The following GRID1 variants were observed in gnomAD, a reference collection of about 807,000 sequenced individuals.
GRID1 encodes glutamate receptor ionotropic, delta-1.
In GRID1, 28 loss-of-function variants were observed where a neutral mutation model predicts 98.0. The ratio of observed to expected loss-of-function variants is 0.29; its 90% CI spans 0.21 to 0.39. GRID1 has a LOEUF of 0.39. Ranked by LOEUF, GRID1 falls within the 10% of genes least tolerant of loss-of-function variation. GRID1 has a pLI of 1.00. For missense variants in GRID1, 1,111 were observed against 1,340.5 expected, an observed-to-expected ratio of 0.83 and a Z score of 2.67; for synonymous variants, 553 against 538.5, an observed-to-expected ratio of 1.03 and a Z score of -0.37.
At chr10:85,828,585 AAC>A (rs1365059181) in intron 8 of GRID1, among the ~76,000 whole-genome samples, 3 of 152,090 alleles carry the variant, frequency 2.0e-5, no homozygotes, top group African/African-American at 7.2e-5. Context: ...GAGCCAAATA[AAC>A]ACAGTCAGAA....
chr10:86,180,919 C>A lies in GRID1; in HGVS notation c.520+25445G>T, dbSNP rs534449046. ...TAAGGGAACTGGCAAGCTCTGGGCT[C>A]AGGGAAGGCTAACCTGGAGGGGCAG... On this transcript the variant is annotated intron_variant, in intron 3 of 15. Transcript: ENST00000327946. Among the ~76,000 whole-genome samples, 4 of 152,312 alleles carry A rather than the reference C, an allele frequency of 2.6e-5. No homozygotes were observed. In the East Asian group the frequency reaches 7.7e-4, roughly 29 times the overall value.
chr10:86,074,286 G>A (rs951697223), intron 4 of GRID1, among the ~76,000 whole-genome samples: 15 of 152,022 alleles, frequency 9.9e-5, no homozygotes, highest in African/African-American at 1.9e-4. Flanking sequence ...ATGTTTGTAC[G>A]CTTTAATCCA....
At chr10:85,880,524 C>A (rs1161690492) in intron 5 of GRID1, among the ~76,000 whole-genome samples, 1 of 152,078 alleles carries the variant, frequency 6.6e-6, no homozygotes, top group African/African-American at 2.4e-5. Flanking sequence ...ACAAAAACCA[C>A]ATGATTATCT....
At chr10:86,069,270 A>G (rs1253025726) in intron 4 of GRID1, among the ~76,000 whole-genome samples, 1 of 152,154 alleles carries the variant, frequency 6.6e-6, no homozygotes, top group Non-Finnish European at 1.5e-5. Context: ...CAGAATTATA[A>G]TCAGAACCCA....
chr10:85,622,599 G>C (rs1842870328), intron 13 of GRID1, among the ~76,000 whole-genome samples: 1 of 152,110 alleles, frequency 6.6e-6, no homozygotes, highest in South Asian at 2.1e-4. Context: ...GAATCTGTCT[G>C]AAAATGCCAA....
At chr10:85,936,740 G>T (rs1445708847) in intron 4 of GRID1, among the ~76,000 whole-genome samples, 1 of 152,048 alleles carries the variant, frequency 6.6e-6, no homozygotes, top group African/African-American at 2.4e-5. Flanking sequence ...TATTTTGACA[G>T]AAAAAGTGGA....
Position 85,916,037 on chromosome 10 carries a change from C to A in GRID1, c.780+149G>T. 1.5e-6 allele frequency: 1 copy of A among 651,362 alleles called. No homozygotes were observed. 40.3% of individuals were successfully genotyped at this position (651,362 alleles called of 1,614,324 possible). A position where few individuals can be genotyped will look rare whatever the true frequency, so the allele number is the denominator to read the frequency against. On this transcript the variant is annotated intron_variant, in intron 5 of 15. Transcript: ENST00000327946. The surrounding 1 kb of genome is among the most constrained non-coding windows in gnomAD (Gnocchi z 4.0). ...GAGCACCCTGCTAGGTCAAGTTCAA[C>A]TCTTTGAGTTTTTGCCTGGGCTAGG...
In GRID1 at chr10:86,364,200, T is replaced by C. The variant is rs949222810; in HGVS notation, c.80-104A>G. 3 of 912,240 alleles carry C rather than the reference T, an allele frequency of 3.3e-6. No homozygotes were observed. The African/African-American group carries it at 5.0e-5, about 15-fold the overall frequency. 56.5% of individuals were successfully genotyped at this position (912,240 alleles called of 1,614,324 possible). On this transcript the variant is annotated intron_variant, in intron 1 of 15. Transcript: ENST00000327946. ...TCGCAGACCGATGATTGCCGGGTGGTGGGAAGTCTGAACTGGGATTTCAGC... is the reference window on the plus strand; with the variant it reads ...TCGCAGACCGATGATTGCCGGGTGGCGGGAAGTCTGAACTGGGATTTCAGC...
chr10:85,735,976 A>T (rs187578855), intron 8 of GRID1, among the ~76,000 whole-genome samples: 171 of 122,024 alleles, frequency 1.4e-3, no homozygotes, highest in African/African-American at 5.0e-3. Flanking sequence ...GAAGGGAGAG[A>T]GGGAGAAAGG....
chr10:85,853,715 A>T (rs1450670891), intron 8 of GRID1, among the ~76,000 whole-genome samples: 2 of 152,172 alleles, frequency 1.3e-5, no homozygotes, highest in Admixed American at 1.3e-4. Flanking sequence ...ACCACATCCA[A>T]GGTCCTTCAC....
intron 12 of GRID1, among the ~76,000 whole-genome samples, chr10:85,721,234 C>T (rs1035107378): frequency 1.3e-5 from 2 of 152,170 alleles, no homozygotes; most frequent in African/African-American, 4.8e-5. Context: ...ATTATTCTTA[C>T]ATCACTGGCA....
At chr10:85,839,101 T>G (rs1842938687) in intron 8 of GRID1, among the ~76,000 whole-genome samples, 1 of 152,180 alleles carries the variant, frequency 6.6e-6, no homozygotes, top group Non-Finnish European at 1.5e-5. Flanking sequence ...CTAACTATCC[T>G]AAATATATAT....
chr10:86,254,691 A>G (rs1311258736), intron 2 of GRID1, among the ~76,000 whole-genome samples: 1 of 152,224 alleles, frequency 6.6e-6, no homozygotes, highest in African/African-American at 2.4e-5. Context: ...GGCAGGGCCC[A>G]GTAGGCTTCC....
In GRID1 at chr10:85,886,392, A is replaced by G. The variant is rs189253824; in HGVS notation, c.781-17212T>C. On this transcript the variant is annotated intron_variant, in intron 5 of 15. Coordinates refer to ENST00000327946, the MANE Select transcript of GRID1 (RefSeq NM_017551.3). ...GTAAAGTGAAGTAATAAATTTTTAG[A>G]CCATTCAAGGAAATTTGACTCATAT... Among the ~76,000 whole-genome samples, 383 of 152,292 alleles carry G rather than the reference A, an allele frequency of 2.5e-3. 3 individuals are homozygous for G. The highest frequency in any genetic ancestry group is 9.0e-3 in the African/African-American group (372 of 41,558).
chr10:85,754,848 G>A lies in GRID1; in HGVS notation c.1234-25234C>T, dbSNP rs1266725794. ...CTATTTCTTCACCCACAAAATAATG[G>A]AATTAATGCCTACCTACCTTAAAAA... On this transcript the variant is annotated intron_variant, in intron 8 of 15. Transcript: ENST00000327946. 3.9e-5 allele frequency among the ~76,000 whole-genome samples: 6 copies of A among 152,130 alleles called. No individual in the cohort carries two copies. In the East Asian group the frequency reaches 7.7e-4, roughly 20 times the overall value.
intron 4 of GRID1, among the ~76,000 whole-genome samples, chr10:86,057,818 T>C (rs1312301818): frequency 6.6e-6 from 1 of 152,162 alleles, no homozygotes; most frequent in Non-Finnish European, 1.5e-5. Context: ...CATGGAACTG[T>C]TTAGTTAATG....
At position 85,916,157 on chromosome 10, in the gene GRID1, C is replaced by A; in HGVS notation, c.780+29G>T. On this transcript the variant is annotated intron_variant, in intron 5 of 15. Transcript: ENST00000327946. The surrounding 1 kb of genome is among the most constrained non-coding windows in gnomAD (Gnocchi z 4.0). Reference sequence around the variant, plus strand: ...AAGGGGCTAGGGGCTCAGTCCAGGCCGTGCTCATCACATTTCTAGAGCCCT... The same window carrying A: ...AAGGGGCTAGGGGCTCAGTCCAGGCAGTGCTCATCACATTTCTAGAGCCCT... The A allele has an allele frequency of 6.4e-7, 1 of 1,562,492 alleles. No individual in the cohort carries two copies. The highest frequency in any genetic ancestry group is 8.8e-7 in the Non-Finnish European group (1 of 1,133,076).
intron 3 of GRID1, among the ~76,000 whole-genome samples, chr10:86,156,647 G>C (rs1002079899): frequency 4.6e-5 from 7 of 152,232 alleles, no homozygotes; most frequent in African/African-American, 1.4e-4. Flanking sequence ...ATTGCCAAAA[G>C]AGAACCACAA....
At chr10:85,922,854 G>T in intron 4 of GRID1, among the ~76,000 whole-genome samples, 1 of 152,122 alleles carries the variant, frequency 6.6e-6, no homozygotes, top group East Asian at 1.9e-4. Context: ...CTAAAGAGCG[G>T]TTATCACAGA....
Sources: gnomAD v4.1 joint callset for allele counts (sites outside exome capture counted in the v4.1 genomes callset) on GRCh38, gnomAD v4.1.1 for gene constraint, Gnocchi (gnomAD v3.1) non-coding constraint, MANE v1.5 for transcripts, NCBI Gene and HGNC (gene_info 2026-07-23, HGNC 2026-07-21) for gene names.